LMNTD1: variants seen among roughly 807,000 people sequenced by gnomAD.
The protein encoded by LMNTD1 is lamin tail domain containing 1.
Under a neutral mutation model 50.9 loss-of-function variants are expected in LMNTD1, and 35 were observed. That is an observed-to-expected ratio of 0.69 (90% CI 0.53 to 0.91). The LOEUF is 0.91. Among genes scored for constraint, LMNTD1 ranks in the 40% least tolerant of loss-of-function variants. LMNTD1 has a pLI of 0.00. For synonymous variants in LMNTD1, 153 were observed against 161.9 expected (o/e 0.94, Z 0.42); for missense variants, 470 against 475.5 (o/e 0.99, Z 0.11).
intron 9 of LMNTD1, among the ~76,000 whole-genome samples, chr12:25,491,282 C>G (rs559512065): frequency 6.6e-6 from 1 of 152,300 alleles, no homozygotes; most frequent in South Asian, 2.1e-4. Flanking sequence ...GACATTGTAT[C>G]TGAAATGTGT....
chr12:25,642,670 A>T (rs1033007084), intron 1 of LMNTD1, among the ~76,000 whole-genome samples: 3 of 152,236 alleles, frequency 2.0e-5, no homozygotes, highest in Non-Finnish European at 4.4e-5. Context: ...CCTTTCAAAA[A>T]ATATTTAAAC....
intron 9 of LMNTD1, among the ~76,000 whole-genome samples, chr12:25,480,954 G>T (rs1043820139): frequency 6.6e-6 from 1 of 152,162 alleles, no homozygotes; most frequent in Non-Finnish European, 1.5e-5. Flanking sequence ...AGGCATCAAG[G>T]TAATTTATTT....
At chr12:25,617,701 T>C (rs1946378257) in intron 1 of LMNTD1, among the ~76,000 whole-genome samples, 1 of 152,204 alleles carries the variant, frequency 6.6e-6, no homozygotes, top group African/African-American at 2.4e-5. Flanking sequence ...TCACCACGCT[T>C]AACAGAAAAT....
At chr12:25,592,305 A>G (rs907394337) in intron 1 of LMNTD1, among the ~76,000 whole-genome samples, 38 of 152,226 alleles carry the variant, frequency 2.5e-4, no homozygotes, top group Non-Finnish European at 3.8e-4. Flanking sequence ...GACTGCAGGC[A>G]TACATTAGGA....
intron 1 of LMNTD1, among the ~76,000 whole-genome samples, chr12:25,639,414 A>G (rs574001894): frequency 5.3e-5 from 8 of 152,316 alleles, no homozygotes; most frequent in Admixed American, 3.3e-4. Context: ...TCCAAAGCTG[A>G]TAAAAATCAC....
At chr12:25,503,686 T>C in intron 9 of LMNTD1, 52 bp downstream of exon 9, 2 of 905,280 alleles carry the variant, frequency 2.2e-6, no homozygotes, top group Non-Finnish European at 3.6e-6. Context: ...CCCATTACTT[T>C]AGTCATATTA....
At chr12:25,605,217 T>G (rs1214482323) in intron 1 of LMNTD1, among the ~76,000 whole-genome samples, 1 of 152,222 alleles carries the variant, frequency 6.6e-6, no homozygotes, top group Non-Finnish European at 1.5e-5. Context: ...TAAATTTGTT[T>G]GAGTTCATTG....
chr12:25,501,320 C>T (rs1459156259), intron 9 of LMNTD1, among the ~76,000 whole-genome samples: 1 of 152,118 alleles, frequency 6.6e-6, no homozygotes, highest in Non-Finnish European at 1.5e-5. Context: ...GCTTGTTTGT[C>T]TCTGTAATTG....
intron 8 of LMNTD1, among the ~76,000 whole-genome samples, chr12:25,507,372 T>G (rs866841660): frequency 1.2e-4 from 19 of 152,266 alleles, no homozygotes; most frequent in Non-Finnish European, 7.3e-5. Flanking sequence ...CTGTGATTTT[T>G]GTTTTCTTTT....
At chr12:25,488,673 T>A in intron 9 of LMNTD1, among the ~76,000 whole-genome samples, 1 of 152,194 alleles carries the variant, frequency 6.6e-6, no homozygotes. Flanking sequence ...CCGTTGCTGG[T>A]GAGGAACTGC....
In LMNTD1 at chr12:25,644,827, C is replaced by T. The variant is rs1858284; in HGVS notation, c.58+3667G>A. ...CTCTGATAGGAGCAGACACATTTCT[C>T]CTGTTTCAAAAACAGGGAAGGCAGA... On this transcript the variant is annotated intron_variant, in intron 1 of 7. Transcript: ENST00000445693. 8.6e-3 allele frequency among the ~76,000 whole-genome samples: 1,315 copies of T among 152,214 alleles called. 24 individuals carry two copies. Among genetic ancestry groups the T allele is most frequent in the African/African-American group, 0.03 (1,246 of 41,522 alleles).
At chr12:25,583,262 C>A (rs952759201) in intron 1 of LMNTD1, among the ~76,000 whole-genome samples, 3 of 150,748 alleles carry the variant, frequency 2.0e-5, no homozygotes, top group Non-Finnish European at 4.4e-5. Context: ...CTCCTGACCT[C>A]GTGATCCACC....
At chr12:25,528,515 T>C (rs1458391623) in intron 4 of LMNTD1, among the ~76,000 whole-genome samples, 2 of 152,240 alleles carry the variant, frequency 1.3e-5, no homozygotes, top group African/African-American at 2.4e-5. Flanking sequence ...CCCTTGCTGA[T>C]TGACAACAAG....
At chr12:25,600,962 G>T (rs562514259) in intron 1 of LMNTD1, among the ~76,000 whole-genome samples, 1 of 152,052 alleles carries the variant, frequency 6.6e-6, no homozygotes, top group East Asian at 1.9e-4. Context: ...AAGCCCAAAA[G>T]AAAGGAAATC....
chr12:25,527,666 A>ATATATATATATATAT (rs1941858922), intron 4 of LMNTD1, among the ~76,000 whole-genome samples: 21 of 20,886 alleles, frequency 1.0e-3, no homozygotes, highest in African/African-American at 2.4e-3. Context: ...ATATATATAT[A>ATATATATATATATAT]TATATATATA....
intron 1 of LMNTD1, among the ~76,000 whole-genome samples, chr12:25,569,118 A>G (rs968344276): frequency 3.7e-4 from 56 of 152,202 alleles, no homozygotes; most frequent in Non-Finnish European, 7.5e-4. Context: ...ACTCCAACCC[A>G]TGAAGGCAGC....
intron 1 of LMNTD1, among the ~76,000 whole-genome samples, chr12:25,565,299 C>T (rs1944510444): frequency 6.6e-6 from 1 of 151,806 alleles, no homozygotes; most frequent in South Asian, 2.1e-4. Context: ...ATTATTTTCT[C>T]TGCTGATATG....
intron 4 of LMNTD1, among the ~76,000 whole-genome samples, chr12:25,536,372 T>C (rs1942579293): frequency 6.6e-6 from 1 of 152,220 alleles, no homozygotes; most frequent in South Asian, 2.1e-4. Context: ...ATACAAAGTA[T>C]GTTCTTTGAC....
chr12:25,529,321 C>A (rs55840637), intron 4 of LMNTD1, among the ~76,000 whole-genome samples: 8 of 152,288 alleles, frequency 5.3e-5, no homozygotes, highest in Admixed American at 6.5e-5. Context: ...CATTAATACA[C>A]TCATGACTGC....
Sources: allele counts gnomAD v4.1 joint callset (sites outside exome capture counted in the v4.1 genomes callset), GRCh38; gene constraint gnomAD v4.1.1; transcripts MANE v1.5; gene names NCBI Gene and HGNC (gene_info 2026-07-23, HGNC 2026-07-21).